Variants in STAU2 observed in about 807,000 individuals in gnomAD.
STAU2 encodes staufen double-stranded RNA binding protein 2.
In STAU2, 20 loss-of-function variants were observed where a neutral mutation model predicts 65.9. The observed-to-expected ratio is 0.30, with a 90% CI of 0.21 to 0.44. The LOEUF (loss-of-function observed/expected upper bound fraction) is 0.44, where lower values mean the gene tolerates loss of function less well. Among genes scored for constraint, STAU2 ranks in the 20% least tolerant of loss-of-function variants. The pLI, the probability that STAU2 is intolerant of heterozygous loss-of-function variation, is 1.00. For missense variants in STAU2, 558 were observed against 683.9 expected, an observed-to-expected ratio of 0.82 and a Z score of 2.05; for synonymous variants, 232 against 233.9, an observed-to-expected ratio of 0.99 and a Z score of 0.07.
intron 6 of STAU2, among the ~76,000 whole-genome samples, chr8:73,622,122 A>ATTTTT (rs1813294922): frequency 6.8e-5 from 2 of 29,458 alleles, no homozygotes; most frequent in African/African-American, 2.4e-4. Flanking sequence ...ATGCCCAGCT[A>ATTTTT]ATTTTTTTTT....
chr8:73,490,119 T>C (rs1240079026), intron 13 of STAU2, among the ~76,000 whole-genome samples: 1 of 152,056 alleles, frequency 6.6e-6, no homozygotes, highest in African/African-American at 2.4e-5. Context: ...GAGTGACTGA[T>C]TATATTGTGC....
chr8:73,559,584 C>T (rs200879371), intron 12 of STAU2, among the ~76,000 whole-genome samples: 5 of 152,136 alleles, frequency 3.3e-5, no homozygotes, highest in East Asian at 3.8e-4. Context: ...CCTGAGGCCA[C>T]GTATTAGTTA....
chr8:73,727,093 G>T (rs1012171331), intron 3 of STAU2, among the ~76,000 whole-genome samples: 6 of 152,114 alleles, frequency 3.9e-5, no homozygotes, highest in African/African-American at 1.2e-4. Context: ...AGCTGGGCGT[G>T]GCGGCAGGTG....
At chr8:73,436,865 G>T (rs916682595) in intron 13 of STAU2, among the ~76,000 whole-genome samples, 1 of 152,106 alleles carries the variant, frequency 6.6e-6, no homozygotes, top group African/African-American at 2.4e-5. Flanking sequence ...GGGATTACAG[G>T]TGTCAGGCAC....
At chr8:73,643,919 A>C (rs1815174143) in intron 6 of STAU2, among the ~76,000 whole-genome samples, 1 of 152,264 alleles carries the variant, frequency 6.6e-6, no homozygotes, top group African/African-American at 2.4e-5. Context: ...ACACTCATAT[A>C]AAATGCTACA....
In STAU2 at chr8:73,603,582, T is replaced by C. The variant is rs1811793288; in HGVS notation, c.1029+144A>G. ...CACTTGAATGTTTCCACCAAGTTGG[T>C]AGGTGAGCCTGGACAGAATGAATGC... On this transcript the variant is annotated intron_variant, in intron 10 of 14. Transcript: ENST00000524300. 11 of 1,023,790 alleles carry C rather than the reference T, an allele frequency of 1.1e-5. No individual in the cohort carries two copies. In the South Asian group the frequency reaches 2.2e-4, roughly 21 times the overall value. The allele number at this position is 1,023,790 out of a possible 1,614,324, so 63.4% of individuals were successfully genotyped here. A position where few individuals can be genotyped will look rare whatever the true frequency, so the allele number is the denominator to read the frequency against.
At chr8:73,685,577 C>T (rs1327957385) in intron 5 of STAU2, among the ~76,000 whole-genome samples, 1 of 151,898 alleles carries the variant, frequency 6.6e-6, no homozygotes, top group South Asian at 2.1e-4. Flanking sequence ...AGGGTTTCAC[C>T]GTGTTAGCCA....
intron 13 of STAU2, among the ~76,000 whole-genome samples, chr8:73,448,294 A>C (rs59737985): frequency 0.089 from 13,500 of 151,440 alleles, 1,216 homozygotes; most frequent in African/African-American, 0.24. Context: ...AAGGAGATAC[A>C]AGTCTTTTTT....
At chr8:73,533,387 AAGTTTCC>A (rs1805957096) in intron 13 of STAU2, among the ~76,000 whole-genome samples, 1 of 152,202 alleles carries the variant, frequency 6.6e-6, no homozygotes, top group Admixed American at 6.5e-5. Context: ...CTTTTAAGAT[AAGTTTCC>A]TAGTTTGATT....
chr8:73,669,574 CTT>C (rs1817506682), intron 6 of STAU2, among the ~76,000 whole-genome samples: 1 of 152,096 alleles, frequency 6.6e-6, no homozygotes, highest in Non-Finnish European at 1.5e-5. Flanking sequence ...ACATTGGCCT[CTT>C]GAGGCCAATG....
intron 3 of STAU2, among the ~76,000 whole-genome samples, chr8:73,725,209 T>C (rs1805538712): frequency 6.6e-6 from 1 of 152,182 alleles, no homozygotes; most frequent in Non-Finnish European, 1.5e-5. Flanking sequence ...TATGTTTTTG[T>C]CCTTTTATTT....
chr8:73,541,722 T>A (rs965207715), intron 13 of STAU2, among the ~76,000 whole-genome samples: 1 of 152,102 alleles, frequency 6.6e-6, no homozygotes, highest in Non-Finnish European at 1.5e-5. Context: ...TATACAGATA[T>A]GGAATCTCAA....
At chr8:73,646,463 CA>C (rs1815381054) in intron 6 of STAU2, among the ~76,000 whole-genome samples, 1 of 152,080 alleles carries the variant, frequency 6.6e-6, no homozygotes, top group African/African-American at 2.4e-5. Context: ...GGTGAAAAAG[CA>C]ATTCAATGGA....
At chr8:73,574,156 T>G (rs1809331645) in intron 12 of STAU2, among the ~76,000 whole-genome samples, 1 of 152,068 alleles carries the variant, frequency 6.6e-6, no homozygotes, top group Non-Finnish European at 1.5e-5. Flanking sequence ...CATGAAAAAA[T>G]GCTCATCATC....
chr8:73,435,979 T>G (rs1817654758), intron 13 of STAU2, among the ~76,000 whole-genome samples: 1 of 151,874 alleles, frequency 6.6e-6, no homozygotes, highest in Non-Finnish European at 1.5e-5. Context: ...GAAGGTCTGT[T>G]TGAGATTTCT....
intron 13 of STAU2, among the ~76,000 whole-genome samples, chr8:73,496,621 T>A (rs1821435265): frequency 6.6e-6 from 1 of 151,808 alleles, no homozygotes; most frequent in African/African-American, 2.4e-5. Context: ...TATGTAATTT[T>A]TGTAGCCACA....
intron 13 of STAU2, among the ~76,000 whole-genome samples, chr8:73,546,191 T>G (rs1806924910): frequency 7.7e-6 from 1 of 129,304 alleles, no homozygotes; most frequent in South Asian, 2.6e-4. Flanking sequence ...GGTCTCAAAC[T>G]CCTGACCTCA....
In STAU2 at chr8:73,420,822, C is replaced by G. The variant is rs1816332365; in HGVS notation, c.*550G>C. ...TTTGCATACATCTTTTTGTAGTGCA[C>G]CTTATAGTTATTCCTACTGATATAG... On this transcript the variant is annotated 3_prime_UTR_variant, in exon 15 of 15. Transcript: ENST00000524300. The G allele has an allele frequency of 6.4e-6, 1 of 155,350 alleles. No individual in the cohort carries two copies. Among genetic ancestry groups the G allele is most frequent in the Non-Finnish European group, 1.4e-5 (1 of 70,046 alleles). 9.6% of individuals were successfully genotyped at this position (155,350 alleles called of 1,614,324 possible). A position where few individuals can be genotyped will look rare whatever the true frequency, so the allele number is the denominator to read the frequency against.
intron 6 of STAU2, among the ~76,000 whole-genome samples, chr8:73,625,076 TA>T (rs1213475097): frequency 6.6e-6 from 1 of 151,962 alleles, no homozygotes; most frequent in Non-Finnish European, 1.5e-5. Flanking sequence ...AAAAAAGTCA[TA>T]AAGACATGGC....
Sources: gnomAD v4.1 joint callset for allele counts (sites outside exome capture counted in the v4.1 genomes callset) on GRCh38, gnomAD v4.1.1 for gene constraint, MANE v1.5 for transcripts, NCBI Gene and HGNC (gene_info 2026-07-23, HGNC 2026-07-21) for gene names.